The following ISOC1 variants were observed in gnomAD, a reference collection of about 807,000 sequenced individuals.
The protein encoded by ISOC1 is isochorismatase domain-containing protein 1.
ISOC1 carries 33 observed loss-of-function variants against 30.0 expected under a neutral mutation model. That is an observed-to-expected ratio of 1.10 (90% CI 0.83 to 1.47). The LOEUF (loss-of-function observed/expected upper bound fraction) is 1.47. ISOC1 is among the 40% of genes most tolerant of loss of function. ISOC1 has a pLI of 0.00. For missense variants in ISOC1, 372 were observed against 388.0 expected, an observed-to-expected ratio of 0.96 and a Z score of 0.35; for synonymous variants, 178 against 159.8, an observed-to-expected ratio of 1.11 and a Z score of -0.86.
intron 1 of ISOC1, chr5:129,097,868 GTGC>G (rs1053196480): frequency 4.3e-4 from 65 of 152,754 alleles, no homozygotes; most frequent in African/African-American, 1.6e-3. Flanking sequence ...ATTTGTCTTG[GTGC>G]TGCTCCTTGT....
chr5:129,098,048 G>A (rs1036651107), intron 1 of ISOC1, among the ~76,000 whole-genome samples: 1 of 152,082 alleles, frequency 6.6e-6, no homozygotes, highest in African/African-American at 2.4e-5. Context: ...CCACACTTGG[G>A]CCCTGGAGCC....
At chr5:129,101,492 C>T (rs900695902) in intron 1 of ISOC1, among the ~76,000 whole-genome samples, 2 of 151,956 alleles carry the variant, frequency 1.3e-5, no homozygotes, top group Non-Finnish European at 2.9e-5. Flanking sequence ...GAGACTCTGT[C>T]TCAAAAAAAT....
rs1459992220 is a variant in ISOC1, at chr5:129,094,908, G to C, written c.142G>C (p.Glu48Gln). ...PSSVPHGAGYELLIQKFLSLY... is the reference protein window; with the variant it reads ...PSSVPHGAGYQLLIQKFLSLY... The stretch of plus-strand genomic sequence containing the variant: ...GTCGGTGCCACACGGGGCGGGCTAC[G>C]AGCTGCTCATCCAGAAGTTCCTCAG... The change falls in exon 1 of 5, where the codon GAG becomes CAG. Residue 48 changes from glutamate to glutamine, a missense_variant. Transcript: ENST00000173527. 3 of 1,611,696 alleles carry C rather than the reference G, an allele frequency of 1.9e-6. No homozygotes were observed. Among genetic ancestry groups the C allele is most frequent in the South Asian group, 1.1e-5 (1 of 90,722 alleles).
intron 1 of ISOC1, among the ~76,000 whole-genome samples, chr5:129,102,102 C>T (rs1753579236): frequency 6.6e-6 from 1 of 152,164 alleles, no homozygotes; most frequent in South Asian, 2.1e-4. Context: ...AGTTACTCTT[C>T]CCCCTCTATA....
chr5:129,107,147 G>A, intron 4 of ISOC1, 85 bp downstream of exon 4: 3 of 1,096,096 alleles, frequency 2.7e-6, no homozygotes, highest in Non-Finnish European at 4.2e-6. Flanking sequence ...GTAATGAAAG[G>A]TTTACCTCCT....
intron 3 of ISOC1, 24 bp from the exon 4 acceptor site, chr5:129,106,922 A>T: frequency 6.6e-7 from 1 of 1,512,732 alleles, no homozygotes. Context: ...GTTATTACAT[A>T]TGATTCTTGT....
At chr5:129,112,721 A>G (rs1285540784) in intron 4 of ISOC1, 134 bp from the exon 5 acceptor site, 1 of 865,198 alleles carries the variant, frequency 1.2e-6, no homozygotes. Context: ...CCATCACTGA[A>G]CTTGATGGTA....
At chr5:129,099,772 T>A (rs1159936357) in intron 1 of ISOC1, among the ~76,000 whole-genome samples, 1 of 152,206 alleles carries the variant, frequency 6.6e-6, no homozygotes, top group Non-Finnish European at 1.5e-5. Flanking sequence ...GTTTAATATA[T>A]GAGGGACATC....
intron 1 of ISOC1, among the ~76,000 whole-genome samples, chr5:129,103,505 G>A (rs1443081792): frequency 6.6e-6 from 1 of 152,160 alleles, no homozygotes; most frequent in Non-Finnish European, 1.5e-5. Context: ...ATTGGATTGT[G>A]CATAGCTAGT....
At chr5:129,097,718 C>T (rs551014962) in intron 1 of ISOC1, 85 of 151,436 alleles carry the variant, frequency 5.6e-4, no homozygotes, top group African/African-American at 2.0e-3. Flanking sequence ...CTGGCTAGCT[C>T]CTCCACAAAT....
chr5:129,103,292 A>G (rs991626557), intron 1 of ISOC1, among the ~76,000 whole-genome samples: 14 of 152,228 alleles, frequency 9.2e-5, no homozygotes, highest in African/African-American at 2.9e-4. Context: ...ATATTTGTAT[A>G]TAAGATCCTA....
At chr5:129,105,940 G>GA (rs1360301404) in intron 3 of ISOC1, among the ~76,000 whole-genome samples, 4 of 151,892 alleles carry the variant, frequency 2.6e-5, no homozygotes, top group Non-Finnish European at 5.9e-5. Flanking sequence ...TAAAAATTAA[G>GA]AAAAAACCAC....
chr5:129,096,170 C>T (rs1189470894), intron 1 of ISOC1, among the ~76,000 whole-genome samples: 1 of 152,094 alleles, frequency 6.6e-6, no homozygotes, highest in Non-Finnish European at 1.5e-5. Flanking sequence ...TTGGAATATC[C>T]ATTACCTGAA....
rs913582832 is a variant in ISOC1 at position 129,107,057 on chromosome 5, C to T, written c.745C>T (p.Leu249Phe). ...AAGCATGATGGACAGGATGTTTGCC[C>T]TCGAGGTAATTGTCCTGCTTGGGAA... ...SRSMMDRMFA[L>F]ERLARTGIIV... Residue 249 changes from leucine (L) to phenylalanine (F), a missense_variant, in exon 4 of 5, where the codon CTC (leucine) becomes TTC (phenylalanine). By Grantham distance (22) the Leu-to-Phe change is conservative. Transcript: ENST00000173527. 4 of 1,611,594 alleles carry T rather than the reference C, an allele frequency of 2.5e-6. No individual in the cohort carries two copies. The highest frequency in any genetic ancestry group is 1.6e-4 in the Middle Eastern group (1 of 6,080).
At chr5:129,099,426 C>A (rs1297782018) in intron 1 of ISOC1, among the ~76,000 whole-genome samples, 2 of 152,118 alleles carry the variant, frequency 1.3e-5, no homozygotes, top group African/African-American at 2.4e-5. Flanking sequence ...AACCTTATGC[C>A]AGTGACATCA....
intron 1 of ISOC1, among the ~76,000 whole-genome samples, chr5:129,099,764 T>A (rs1753548181): frequency 6.6e-6 from 1 of 152,178 alleles, no homozygotes; most frequent in Admixed American, 6.5e-5. Context: ...AGTGTAGTGT[T>A]TAATATATGA....
At chr5:129,102,357 G>A (rs1433202792) in intron 1 of ISOC1, among the ~76,000 whole-genome samples, 1 of 152,122 alleles carries the variant, frequency 6.6e-6, no homozygotes, top group Non-Finnish European at 1.5e-5. Context: ...CTATACTAGA[G>A]AGATTTCCCA....
intron 1 of ISOC1, among the ~76,000 whole-genome samples, chr5:129,095,900 T>C (rs987659138): frequency 4.6e-5 from 7 of 152,170 alleles, no homozygotes; most frequent in Non-Finnish European, 1.0e-4. Flanking sequence ...CGAATTTATA[T>C]TTTGGAAAGG....
chr5:129,105,125 T>A, intron 2 of ISOC1, 50 bp downstream of exon 2: 1 of 1,610,724 alleles, frequency 6.2e-7, no homozygotes, highest in Non-Finnish European at 8.5e-7. Flanking sequence ...TCATATACAC[T>A]CATATATACA....
Sources: allele counts gnomAD v4.1 joint callset (sites outside exome capture counted in the v4.1 genomes callset), GRCh38; gene constraint gnomAD v4.1.1; transcripts MANE v1.5; gene names NCBI Gene and HGNC (gene_info 2026-07-23, HGNC 2026-07-21).